The following UNC5D variants were observed in gnomAD, a reference collection of about 807,000 sequenced individuals.
UNC5D encodes the protein unc-5 netrin receptor D.
In UNC5D, 39 loss-of-function variants were observed where a neutral mutation model predicts 105.4. The ratio of observed to expected loss-of-function variants is 0.37; its 90% CI spans 0.29 to 0.48. The LOEUF is 0.48. Among genes scored for constraint, UNC5D ranks in the 20% least tolerant of loss-of-function variants. The pLI is 0.98. For synonymous variants in UNC5D, 452 were observed against 450.4 expected, an observed-to-expected ratio of 1.00 and a Z score of -0.04; for missense variants, 991 against 1,202.4, an observed-to-expected ratio of 0.82 and a Z score of 2.60.
Position 35,722,280 on chromosome 8 carries a change from G to A in UNC5D, c.1188G>A (p.Leu396=), listed in dbSNP as rs747891179. ...LGAAVVAVAV[L]VIGVTLYRRS... is the part of the protein sequence containing the mutation. ...CTGCCGTCGTGGCCGTTGCAGTCCT[G>A]GTCATTGGTGTCACCCTTTACAGAC... Residue 396 remains leucine (L), a synonymous_variant, in exon 9 of 17, where the codon CTG becomes CTA. Coordinates refer to ENST00000404895, the MANE Select transcript of UNC5D (RefSeq NM_080872.4). 7 of 1,614,044 alleles carry A rather than the reference G, an allele frequency of 4.3e-6. No individual in the cohort carries two copies. Among genetic ancestry groups the A allele is most frequent in the East Asian group, 2.2e-5 (1 of 44,892 alleles).
chr8:35,419,651 G>A (rs117782555), intron 1 of UNC5D, among the ~76,000 whole-genome samples: 120 of 152,266 alleles, frequency 7.9e-4, no homozygotes, highest in Admixed American at 4.4e-3. Flanking sequence ...CAGCTCGTTC[G>A]TGTTATGGCT....
chr8:35,450,227 G>A (rs1808055199), intron 1 of UNC5D, among the ~76,000 whole-genome samples: 1 of 152,104 alleles, frequency 6.6e-6, no homozygotes, highest in Non-Finnish European at 1.5e-5. Flanking sequence ...GCACAGTAAT[G>A]CACACACTAG....
chr8:35,444,718 G>A (rs1405740340), intron 1 of UNC5D, among the ~76,000 whole-genome samples: 3 of 151,920 alleles, frequency 2.0e-5, no homozygotes, highest in Non-Finnish European at 4.4e-5. Context: ...CTGAATTGAA[G>A]ACTCTTTGAC....
intron 16 of UNC5D, 115 bp from the exon 17 acceptor site, chr8:35,790,244 C>G: frequency 8.9e-7 from 1 of 1,126,388 alleles, no homozygotes; most frequent in African/African-American, 1.6e-5. Context: ...AGCTTTTTAT[C>G]CCTACTATAA....
chr8:35,343,248 A>G (rs1033737666), intron 1 of UNC5D, among the ~76,000 whole-genome samples: 6 of 152,072 alleles, frequency 3.9e-5, no homozygotes, highest in Non-Finnish European at 5.9e-5. Flanking sequence ...TTCCTGTCTC[A>G]GATTTGTATA....
intron 1 of UNC5D, among the ~76,000 whole-genome samples, chr8:35,542,236 C>T (rs1815329093): frequency 6.6e-6 from 1 of 152,182 alleles, no homozygotes; most frequent in South Asian, 2.1e-4. Flanking sequence ...AAAATTCCGG[C>T]TGCTGTTCTG....
At chr8:35,592,190 T>A (rs1489489597) in intron 3 of UNC5D, among the ~76,000 whole-genome samples, 2 of 152,196 alleles carry the variant, frequency 1.3e-5, no homozygotes, top group Admixed American at 6.5e-5. Context: ...ATAGTGGCGG[T>A]TTCTTGATCT....
intron 1 of UNC5D, among the ~76,000 whole-genome samples, chr8:35,529,654 CATG>C (rs1329296694): frequency 8.6e-6 from 1 of 116,076 alleles, no homozygotes; most frequent in African/African-American, 3.4e-5. Flanking sequence ...TGGCCATTTT[CATG>C]ATATTGATTC....
At chr8:35,713,500 C>T (rs1828080683) in intron 8 of UNC5D, among the ~76,000 whole-genome samples, 1 of 152,140 alleles carries the variant, frequency 6.6e-6, no homozygotes, top group African/African-American at 2.4e-5. Context: ...ATTCAATTTT[C>T]AAAGAAACAT....
At chr8:35,732,971 G>A (rs1300977935) in intron 11 of UNC5D, among the ~76,000 whole-genome samples, 12 of 152,090 alleles carry the variant, frequency 7.9e-5, no homozygotes, top group Non-Finnish European at 1.5e-4. Flanking sequence ...AAGCTCTATG[G>A]TAACCAATTT....
At chr8:35,655,837 G>T (rs1218841613) in intron 4 of UNC5D, among the ~76,000 whole-genome samples, 1 of 152,142 alleles carries the variant, frequency 6.6e-6, no homozygotes, top group Non-Finnish European at 1.5e-5. Context: ...GCTACAATGT[G>T]TAGGGTTTTG....
At chr8:35,740,238 G>A (rs1403577360) in intron 11 of UNC5D, among the ~76,000 whole-genome samples, 1 of 152,210 alleles carries the variant, frequency 6.6e-6, no homozygotes, top group Non-Finnish European at 1.5e-5. Flanking sequence ...GGAATTTGCA[G>A]ATTAATTAAG....
At chr8:35,290,580 G>A (rs1394267918) in intron 1 of UNC5D, among the ~76,000 whole-genome samples, 1 of 152,020 alleles carries the variant, frequency 6.6e-6, no homozygotes, top group Non-Finnish European at 1.5e-5. Flanking sequence ...GCATAGCAAG[G>A]CATCTATAGT....
chr8:35,600,826 G>C (rs1030165958), intron 4 of UNC5D, among the ~76,000 whole-genome samples: 35 of 152,088 alleles, frequency 2.3e-4, no homozygotes, highest in African/African-American at 8.5e-4. Flanking sequence ...TGTCAATTTT[G>C]TCTTTTGTTG....
chr8:35,690,118 C>T (rs532804305), intron 7 of UNC5D, among the ~76,000 whole-genome samples: 22 of 151,944 alleles, frequency 1.4e-4, no homozygotes, highest in Non-Finnish European at 2.5e-4. Context: ...TTTTTCTAGC[C>T]TTCATTGTAT....
chr8:35,382,140 C>G (rs1270274874), intron 1 of UNC5D, among the ~76,000 whole-genome samples: 1 of 152,072 alleles, frequency 6.6e-6, no homozygotes, highest in Non-Finnish European at 1.5e-5. Flanking sequence ...CACAGTAGAC[C>G]CAGCACAAAG....
chr8:35,599,456 A>G, intron 4 of UNC5D, among the ~76,000 whole-genome samples: 1 of 152,200 alleles, frequency 6.6e-6, no homozygotes, highest in East Asian at 1.9e-4. Flanking sequence ...CACATATTTC[A>G]AAACATGTTA....
chr8:35,584,573 C>T (rs1230038657), intron 3 of UNC5D, among the ~76,000 whole-genome samples: 1 of 151,650 alleles, frequency 6.6e-6, no homozygotes, highest in South Asian at 2.1e-4. Context: ...CGCCCCCAAG[C>T]CTATTTTGTT....
At chr8:35,345,335 T>TG (rs1193226771) in intron 1 of UNC5D, among the ~76,000 whole-genome samples, 4 of 151,860 alleles carry the variant, frequency 2.6e-5, no homozygotes, top group African/African-American at 7.2e-5. Flanking sequence ...AGCAGAAATG[T>TG]GGAAAAAAAA....
Sources: allele counts gnomAD v4.1 joint callset (sites outside exome capture counted in the v4.1 genomes callset), GRCh38; gene constraint gnomAD v4.1.1; transcripts MANE v1.5; gene names NCBI Gene and HGNC (gene_info 2026-07-23, HGNC 2026-07-21).